AK5: variants seen among roughly 807,000 people sequenced by gnomAD.
The protein encoded by AK5 is adenylate kinase isoenzyme 5.
A neutral mutation model predicts 69.5 loss-of-function variants in AK5; 27 were observed. The ratio of observed to expected loss-of-function variants is 0.39; its 90% confidence interval spans 0.29 to 0.54. AK5 has a LOEUF of 0.54. Ranked by LOEUF, AK5 falls within the 20% of genes least tolerant of loss-of-function variation. AK5 has a pLI of 0.71. For missense variants in AK5, 531 were observed against 700.4 expected (o/e 0.76, Z 2.73); for synonymous variants, 260 against 244.4 (o/e 1.06, Z -0.60).
chr1:77,373,990 G>A (rs1647175325), intron 6 of AK5, among the ~76,000 whole-genome samples: 1 of 152,092 alleles, frequency 6.6e-6, no homozygotes, highest in South Asian at 2.1e-4. Context: ...CTATATGTAT[G>A]CCTTTCAGCC....
Position 77,553,736 on chromosome 1 carries a change from G to A in AK5, c.1621-4866G>A, listed in dbSNP as rs558805469. ...AGTGTAAATAATAAATCAAGCGTTT[G>A]TGGATTTACACCTTCTTACCCGTCC... On this transcript the variant is annotated intron_variant, in intron 13 of 13. Transcript: ENST00000354567. Among the ~76,000 whole-genome samples the A allele has an allele frequency of 5.3e-5, 8 of 152,308 alleles. No homozygotes were observed. The South Asian group carries it at 1.0e-3, about 20-fold the overall frequency.
At chr1:77,449,226 G>C (rs985614699) in intron 8 of AK5, among the ~76,000 whole-genome samples, 2 of 152,204 alleles carry the variant, frequency 1.3e-5, no homozygotes, top group Non-Finnish European at 2.9e-5. Flanking sequence ...AGCCAGAAGA[G>C]GGGGGTATAC....
chr1:77,461,312 C>T (rs575850817), intron 8 of AK5, among the ~76,000 whole-genome samples: 2 of 150,802 alleles, frequency 1.3e-5, no homozygotes, highest in Middle Eastern at 3.4e-3. Context: ...GGATTACAGG[C>T]GTGAGCCACC....
At chr1:77,344,199 GA>G (rs1167360743) in intron 6 of AK5, among the ~76,000 whole-genome samples, 1 of 152,292 alleles carries the variant, frequency 6.6e-6, no homozygotes, top group East Asian at 1.9e-4. Context: ...GCTGTTGCTT[GA>G]ATACTGTATC....
chr1:77,519,123 T>C (rs1214945699), intron 11 of AK5, among the ~76,000 whole-genome samples: 1 of 152,220 alleles, frequency 6.6e-6, no homozygotes, highest in Non-Finnish European at 1.5e-5. Context: ...TATGATTATC[T>C]TGAAATTTGG....
intron 13 of AK5, chr1:77,540,576 A>G (rs1469930362): frequency 6.6e-6 from 1 of 152,222 alleles, no homozygotes; most frequent in African/African-American, 2.4e-5. Flanking sequence ...AGTAACTGAA[A>G]TGTAGCATTT....
At position 77,283,054 on chromosome 1, in the gene AK5, G is replaced by A. The variant is rs1000522878; in HGVS notation, c.60+681G>A. 3.0e-6 allele frequency: 3 copies of A among 985,552 alleles called. No individual in the cohort carries two copies. The African/African-American group carries it at 5.2e-5, about 17-fold the overall frequency. 61.1% of individuals were successfully genotyped at this position (985,552 alleles called of 1,614,324 possible). On this transcript the variant is annotated intron_variant, in intron 1 of 13. Coordinates refer to ENST00000354567, the MANE Select transcript of AK5 (RefSeq NM_174858.3). Reference sequence around the variant, plus strand: ...CCACCTGGAGATAGCGGGTCGGGGAGGGAGCTGCGAGGGGGGCGGACTCCT... The same window carrying A: ...CCACCTGGAGATAGCGGGTCGGGGAAGGAGCTGCGAGGGGGGCGGACTCCT...
intron 10 of AK5, among the ~76,000 whole-genome samples, chr1:77,494,921 A>G (rs1656220560): frequency 6.6e-6 from 1 of 151,826 alleles, no homozygotes; most frequent in South Asian, 2.1e-4. Context: ...AGCTGGGACT[A>G]CAGGTGCCCG....
chr1:77,389,881 G>A (rs1460295557), intron 6 of AK5, among the ~76,000 whole-genome samples: 2 of 152,028 alleles, frequency 1.3e-5, no homozygotes, highest in African/African-American at 4.8e-5. Flanking sequence ...AGGTTCACTT[G>A]AGCCCAAGAG....
intron 8 of AK5, among the ~76,000 whole-genome samples, chr1:77,420,885 G>A (rs2647485): frequency 0.97 from 148,145 of 152,294 alleles, 72,178 homozygotes; most frequent in Middle Eastern, 1. Flanking sequence ...TTGTGGGCCC[G>A]TATGTTATCT....
chr1:77,467,276 T>C (rs1330071005), intron 8 of AK5, among the ~76,000 whole-genome samples: 1 of 152,190 alleles, frequency 6.6e-6, no homozygotes, highest in Non-Finnish European at 1.5e-5. Flanking sequence ...TTTCTTTCCT[T>C]GTAAAGTGGA....
chr1:77,313,588 G>A (rs576775936), intron 5 of AK5, among the ~76,000 whole-genome samples: 5 of 151,604 alleles, frequency 3.3e-5, no homozygotes, highest in Non-Finnish European at 2.9e-5. Flanking sequence ...TCCCTAGCCC[G>A]GCCCTCTCTC....
intron 10 of AK5, among the ~76,000 whole-genome samples, chr1:77,509,443 TC>T (rs1350236020): frequency 6.6e-6 from 1 of 152,156 alleles, no homozygotes; most frequent in Non-Finnish European, 1.5e-5. Context: ...ATGCAGCTCT[TC>T]CCAGATGGAG....
chr1:77,546,403 A>G (rs1659546093), intron 13 of AK5, among the ~76,000 whole-genome samples: 1 of 152,202 alleles, frequency 6.6e-6, no homozygotes, highest in Non-Finnish European at 1.5e-5. Context: ...TCTAAGGTCC[A>G]AGGCATGCCA....
chr1:77,282,963 T>TGA (rs1658143180), intron 1 of AK5: 60 of 985,474 alleles, frequency 6.1e-5, no homozygotes, highest in Non-Finnish European at 7.0e-5. Flanking sequence ...CTGAATGAAC[T>TGA]CCTGAGCACG....
chr1:77,333,302 C>A (rs1661183688), intron 5 of AK5, among the ~76,000 whole-genome samples: 1 of 152,172 alleles, frequency 6.6e-6, no homozygotes, highest in African/African-American at 2.4e-5. Context: ...GGCACACATG[C>A]ACAGGAGAAC....
At chr1:77,289,005 T>A (rs1345695565) in intron 2 of AK5, among the ~76,000 whole-genome samples, 1 of 152,218 alleles carries the variant, frequency 6.6e-6, no homozygotes, top group Non-Finnish European at 1.5e-5. Context: ...ATATTTTTAT[T>A]TGACCCTTAG....
intron 8 of AK5, among the ~76,000 whole-genome samples, chr1:77,473,654 G>GTATATT (rs1654658454): frequency 6.6e-6 from 1 of 152,104 alleles, no homozygotes; most frequent in African/African-American, 2.4e-5. Context: ...GAAAAAAGAA[G>GTATATT]CTGTCTTCTT....
At chr1:77,483,388 G>A (rs776887304) in intron 9 of AK5, 29 bp downstream of exon 9, 1 of 1,589,250 alleles carries the variant, frequency 6.3e-7, no homozygotes, top group South Asian at 1.1e-5. Flanking sequence ...TCAGATCAAA[G>A]TTGTCATTTT....
Sources: allele counts gnomAD v4.1 joint callset (sites outside exome capture counted in the v4.1 genomes callset), GRCh38; gene constraint gnomAD v4.1.1; transcripts MANE v1.5; gene names NCBI Gene and HGNC (gene_info 2026-07-23, HGNC 2026-07-21).